Variants in CPB1 observed in about 807,000 individuals in gnomAD.
CPB1 encodes carboxypeptidase B.
CPB1 carries 53 observed loss-of-function variants against 51.4 expected under a neutral mutation model. The ratio of observed to expected loss-of-function variants is 1.03; its 90% CI spans 0.83 to 1.30. The LOEUF is 1.30. CPB1 is among the 50% of genes most tolerant of loss of function. CPB1 has a pLI of 0.00. For missense variants in CPB1, 494 were observed against 516.2 expected (o/e 0.96, Z 0.42); for synonymous variants, 189 against 186.9 (o/e 1.01, Z -0.09).
intron 9 of CPB1, among the ~76,000 whole-genome samples, chr3:148,848,550 G>A (rs1713324554): frequency 6.6e-6 from 1 of 151,958 alleles, no homozygotes; most frequent in Non-Finnish European, 1.5e-5. Context: ...ATGTTTCAAG[G>A]AGAATAAGAC....
Position 148,857,491 on chromosome 3 carries a change from C to T in CPB1, c.1016C>T (p.Ala339Val), listed in dbSNP as rs149931188. Residue 339 changes from alanine (A) to valine (V), a missense_variant, in exon 10 of 11, where the codon GCC (alanine) becomes GTC (valine). Ala to Val is a moderately conservative substitution (Grantham distance 64). Coordinates refer to ENST00000282957, the MANE Select transcript of CPB1 (RefSeq NM_001871.3). ...ALAKATVKEL[A>V]SLHGTKYTYG... is the part of the protein sequence containing the mutation. ...GCTAAAGCTACTGTGAAAGAACTTG[C>T]CTCACTGCACGGCACCAAGTACACA... 5.7e-5 allele frequency: 92 copies of T among 1,613,894 alleles called. No individual in the cohort carries two copies. The African/African-American group carries it at 1.2e-3, about 21-fold the overall frequency.
chr3:148,828,160 G>A, intron 2 of CPB1, 83 bp downstream of exon 2: 1 of 1,101,002 alleles, frequency 9.1e-7, no homozygotes, highest in Non-Finnish European at 1.3e-6. Flanking sequence ...AAAAAAACAT[G>A]AAATATTAAC....
intron 9 of CPB1, among the ~76,000 whole-genome samples, chr3:148,847,372 TAAAAAAAAAA>T (rs3043983): frequency 4.0e-4 from 35 of 86,708 alleles, no homozygotes; most frequent in Non-Finnish European, 1.7e-4. Flanking sequence ...AAATCATTCT[TAAAAAAAAAA>T]AAAAAAAAAA....
rs1398532513 is a variant in CPB1 at position 148,827,864 on chromosome 3, C to G, written c.41C>G (p.Ser14Cys). ...GTTCTGGTGACTGTGGCCCTGGCATCTGCTCATCATGGTGGTGAGCACTTT... is the reference window on the plus strand; with the variant it reads ...GTTCTGGTGACTGTGGCCCTGGCATGTGCTCATCATGGTGGTGAGCACTTT... ...LLVLVTVALA[S>C]AHHGGEHFEG... The change falls in exon 1 of 11, where the codon TCT (serine) becomes TGT (cysteine). Residue 14 changes from serine (S) to cysteine (C), a missense_variant. Ser to Cys is a moderately radical substitution (Grantham distance 112). Coordinates refer to ENST00000282957, the MANE Select transcript of CPB1 (RefSeq NM_001871.3). 6 of 1,614,152 alleles carry G rather than the reference C, an allele frequency of 3.7e-6. No individual in the cohort carries two copies. The highest frequency in any genetic ancestry group is 3.3e-4 in the Middle Eastern group (2 of 6,062).
At chr3:148,844,408 G>A in intron 6 of CPB1, 70 bp from the exon 7 acceptor site, 1 of 1,125,332 alleles carries the variant, frequency 8.9e-7, no homozygotes. Flanking sequence ...ACATTCAACA[G>A]TCTTTGTAAA....
intron 5 of CPB1, 68 bp downstream of exon 5, chr3:148,841,043 C>T (rs1713060761): frequency 7.8e-7 from 1 of 1,286,808 alleles, no homozygotes; most frequent in Non-Finnish European, 1.1e-6. Flanking sequence ...AACACATGAA[C>T]ATCTGTTTCA....
chr3:148,853,603 A>G (rs1713493507), intron 9 of CPB1, among the ~76,000 whole-genome samples: 1 of 152,224 alleles, frequency 6.6e-6, no homozygotes. Context: ...AGGATTAATA[A>G]AGGCTGACCA....
chr3:148,858,968 T>C (rs976201801), intron 10 of CPB1, among the ~76,000 whole-genome samples: 4 of 152,174 alleles, frequency 2.6e-5, no homozygotes, highest in Non-Finnish European at 1.5e-5. Context: ...TTATGCAAAA[T>C]ACAATTTTCT....
intron 8 of CPB1, among the ~76,000 whole-genome samples, chr3:148,845,044 G>A (rs1016016852): frequency 2.6e-5 from 4 of 152,062 alleles, no homozygotes; most frequent in Non-Finnish European, 5.9e-5. Context: ...TAGAGGGGGA[G>A]ACAGCTATTA....
intron 3 of CPB1, among the ~76,000 whole-genome samples, chr3:148,837,318 T>A (rs1471923162): frequency 6.6e-6 from 1 of 152,170 alleles, no homozygotes; most frequent in Non-Finnish European, 1.5e-5. Context: ...CATAGCAATG[T>A]TCTTCAATAA....
intron 8 of CPB1, 61 bp from the exon 9 acceptor site, chr3:148,845,363 A>C (rs1329387950): frequency 4.0e-6 from 6 of 1,510,228 alleles, no homozygotes; most frequent in Non-Finnish European, 4.6e-6. Flanking sequence ...TGAAAGTTTA[A>C]AACATCCCCA....
chr3:148,841,317 A>G (rs1284116445), intron 5 of CPB1, among the ~76,000 whole-genome samples: 1 of 152,236 alleles, frequency 6.6e-6, no homozygotes, highest in Non-Finnish European at 1.5e-5. Flanking sequence ...CATAAACTTC[A>G]TGTCTATCAG....
Position 148,845,625 on chromosome 3 carries a change from T to C in CPB1, c.980T>C (p.Leu327Ser). ...AAACTCGGTGAGAACAATGCTGAGT[T>C]GGTAAGTAGCAAAGTAGTAGGTATG... ...AYKLGENNAE[L>S]NALAKATVKE... The change falls in exon 9 of 11, where the codon TTG (leucine) becomes TCG (serine). Residue 327 changes from leucine (L) to serine (S), a missense_variant and splice_region_variant. Coordinates refer to ENST00000282957, the MANE Select transcript of CPB1 (RefSeq NM_001871.3). 1 of 1,610,616 alleles carries C rather than the reference T, an allele frequency of 6.2e-7. No homozygotes were observed. The highest frequency in any genetic ancestry group is 1.7e-4 in the Middle Eastern group (1 of 6,056).
At chr3:148,828,467 C>T (rs1323123626) in intron 2 of CPB1, among the ~76,000 whole-genome samples, 1 of 152,208 alleles carries the variant, frequency 6.6e-6, no homozygotes, top group Non-Finnish European at 1.5e-5. Context: ...CATGTATCAT[C>T]TGTCCTCTTT....
intron 3 of CPB1, chr3:148,838,558 G>A (rs1208375230): frequency 6.6e-6 from 1 of 151,890 alleles, no homozygotes; most frequent in Non-Finnish European, 1.5e-5. Context: ...TTAGTTTTTT[G>A]TTATCCTTGA....
rs779134001 is a variant in CPB1 at position 148,860,118 on chromosome 3, CT to C, written c.*117del. 56 of 976,122 alleles carry C rather than the reference CT, an allele frequency of 5.7e-5. No individual in the cohort carries two copies. The highest frequency in any genetic ancestry group is 1.5e-4 in the Admixed American group (6 of 39,534). The allele number at this position is 976,122 out of a possible 1,614,324, so 60.5% of individuals were successfully genotyped here. ...AGATCCCAATCTTTCTTTTAAGCTT[CT>C]GGGTCTATTAAACTAGGTAGATCTT... On this transcript the variant is annotated 3_prime_UTR_variant, in exon 11 of 11. Transcript: ENST00000282957.
rs771244519 is a variant in CPB1, at chr3:148,844,577, AC to A, written c.678del (p.Trp227GlyfsTer75). On this transcript the variant is annotated frameshift_variant, in exon 7 of 11. Transcript: ENST00000282957. LOFTEE classifies it high-confidence loss of function. Reference sequence around the variant, plus strand: ...GCTCAATATTGATGGCTACATCTACACCTGGACCAAGGTATATGCACCAATA... The same window carrying A: ...GCTCAATATTGATGGCTACATCTACACTGGACCAAGGTATATGCACCAATA... The part of the protein sequence containing the change: ...PVLNIDGYIY[T>X]WTKSRFWRKT... 1 of 1,613,734 alleles carries A rather than the reference AC, an allele frequency of 6.2e-7. No individual in the cohort carries two copies. The highest frequency in any genetic ancestry group is 1.7e-5 in the Admixed American group (1 of 59,998).
intron 9 of CPB1, chr3:148,855,340 C>T (rs1713543370): frequency 6.6e-6 from 1 of 151,916 alleles, no homozygotes; most frequent in Admixed American, 6.6e-5. Context: ...GATATTGCTT[C>T]AGCATCAAAA....
intron 9 of CPB1, among the ~76,000 whole-genome samples, chr3:148,853,574 A>T (rs1053195266): frequency 1.3e-5 from 2 of 152,224 alleles, no homozygotes; most frequent in East Asian, 1.9e-4. Context: ...CATGCATAAG[A>T]TGTGAAAATT....
Sources: allele counts gnomAD v4.1 joint callset (sites outside exome capture counted in the v4.1 genomes callset), GRCh38; gene constraint gnomAD v4.1.1; transcripts MANE v1.5; gene names NCBI Gene and HGNC (gene_info 2026-07-23, HGNC 2026-07-21).